The following ERGIC3 variants were observed in gnomAD, a reference collection of about 807,000 sequenced individuals.
ERGIC3 encodes ERGIC and golgi 3.
ERGIC3 carries 33 observed loss-of-function variants against 54.7 expected under a neutral mutation model. The observed-to-expected ratio is 0.60, with a 90% CI of 0.46 to 0.81. The LOEUF (loss-of-function observed/expected upper bound fraction) is 0.81. ERGIC3 is among the 30% of genes least tolerant of loss of function. ERGIC3 has a pLI of 0.00. For missense variants in ERGIC3, 399 were observed against 488.4 expected, an observed-to-expected ratio of 0.82 and a Z score of 1.73; for synonymous variants, 186 against 189.8, an observed-to-expected ratio of 0.98 and a Z score of 0.16.
At chr20:35,556,005 G>C (rs778901460) in intron 8 of ERGIC3, 28 bp from the exon 9 acceptor site, 4 of 1,600,838 alleles carry the variant, frequency 2.5e-6, no homozygotes, top group Non-Finnish European at 3.4e-6. Flanking sequence ...CAGAGCTTTG[G>C]ATGAGCTCTG....
In ERGIC3 at chr20:35,548,047, T is replaced by A. The variant is rs534112911; in HGVS notation, c.462-462T>A. 4.9e-4 allele frequency among the ~76,000 whole-genome samples: 74 copies of A among 152,224 alleles called. 4 individuals are homozygous for A. The South Asian group carries it at 0.015, about 31-fold the overall frequency. On this transcript the variant is annotated intron_variant, in intron 5 of 12. Coordinates refer to ENST00000348547, the MANE Select transcript of ERGIC3 (RefSeq NM_015966.3). ...TTTTTTTTTATTGTGGGAAAATATG[T>A]GACATAAAATTTACCATTTTAACTA... is the stretch of plus-strand genomic sequence containing the variant.
At chr20:35,550,842 A>G (rs903533267) in intron 7 of ERGIC3, among the ~76,000 whole-genome samples, 3 of 152,206 alleles carry the variant, frequency 2.0e-5, no homozygotes, top group African/African-American at 7.2e-5. Flanking sequence ...AGTTGCAGTG[A>G]TCAATCCAGG....
intron 4 of ERGIC3, chr20:35,544,466 TG>T: frequency 3.2e-6 from 1 of 309,612 alleles, no homozygotes; most frequent in Non-Finnish European, 6.5e-6. Context: ...TCATGATGGC[TG>T]GGACATTGCT....
chr20:35,543,687 A>G (rs1172499871), intron 4 of ERGIC3: 3 of 470,934 alleles, frequency 6.4e-6, no homozygotes, highest in Non-Finnish European at 1.3e-5. Context: ...AGTGGAACCA[A>G]CATAATTTGC....
At chr20:35,553,855 A>C (rs11906428) in intron 7 of ERGIC3, among the ~76,000 whole-genome samples, 4,332 of 152,192 alleles carry the variant, frequency 0.028, 194 homozygotes, top group African/African-American at 0.098. Context: ...GGACTGTTAG[A>C]CTTGTGGATC....
At chr20:35,547,533 T>A (rs2064655691) in intron 5 of ERGIC3, 28 bp downstream of exon 5, 1 of 1,602,984 alleles carries the variant, frequency 6.2e-7, no homozygotes, top group African/African-American at 1.3e-5. Context: ...GGGAGCAGGG[T>A]TCCCATCAGG....
At chr20:35,552,737 A>G (rs944041467) in intron 7 of ERGIC3, among the ~76,000 whole-genome samples, 5 of 152,176 alleles carry the variant, frequency 3.3e-5, no homozygotes, top group African/African-American at 1.2e-4. Context: ...TGTTAATGAC[A>G]AAGTTTAGGG....
intron 4 of ERGIC3, 160 bp from the exon 5 acceptor site, chr20:35,547,252 G>A: frequency 1.7e-6 from 1 of 597,540 alleles, no homozygotes; most frequent in East Asian, 2.8e-5. Context: ...GAATTGATAT[G>A]TGTGTAGAAG....
intron 7 of ERGIC3, chr20:35,549,709 TCAC>T (rs2064671337): frequency 6.4e-6 from 1 of 156,186 alleles, no homozygotes; most frequent in African/African-American, 2.4e-5. Context: ...TGATCTTGAC[TCAC>T]TGCAACCTCC....
chr20:35,556,679 G>A, intron 10 of ERGIC3: 1 of 522,804 alleles, frequency 1.9e-6, no homozygotes, highest in Non-Finnish European at 3.5e-6. Flanking sequence ...GTCAGCCTTG[G>A]TGCGTCTTTG....
rs1489790239 is a variant in ERGIC3, at chr20:35,556,253, C to T, written c.861C>T (p.Tyr287=). 2 of 1,614,018 alleles carry T rather than the reference C, an allele frequency of 1.2e-6. No individual in the cohort carries two copies. The highest frequency in any genetic ancestry group is 4.5e-5 in the East Asian group (2 of 44,900). Residue 287 remains tyrosine (Y), a synonymous_variant, in exon 10 of 13, where the codon TAC becomes TAT. Transcript: ENST00000348547. ...TTGTGAAGGTGGTGCCCACTGTGTA[C>T]ATGAAGGTGGACGGAGAGGTGAGTC... ...QYFVKVVPTV[Y]MKVDGEVLRT...
chr20:35,556,537 T>C (rs2064713963), intron 10 of ERGIC3: 1 of 537,586 alleles, frequency 1.9e-6, no homozygotes, highest in Non-Finnish European at 3.3e-6. Flanking sequence ...CTCACTGTTC[T>C]CTGTGGTCTG....
chr20:35,548,810 G>A lies in ERGIC3; in HGVS notation c.630G>A (p.Val210=), dbSNP rs1317224270. 6.2e-7 allele frequency: 1 copy of A among 1,614,232 alleles called. No individual in the cohort carries two copies. Among genetic ancestry groups the A allele is most frequent in the African/African-American group, 1.3e-5 (1 of 75,068 alleles). ...QVYGFLEVNK[V]AGNFHFAPGK... is the part of the protein sequence containing the mutation. The stretch of plus-strand genomic sequence containing the variant: ...ATGAGAGAGAATGTTCCTTACAGGT[G>A]GCCGGAAACTTCCACTTTGCCCCTG... The change falls in exon 7 of 13, where the codon GTG becomes GTA. Residue 210 remains valine (V), a splice_region_variant and synonymous_variant. Coordinates refer to ENST00000348547, the MANE Select transcript of ERGIC3 (RefSeq NM_015966.3).
Position 35,556,961 on chromosome 20 carries a change from C to A in ERGIC3, c.880-12C>A, listed in dbSNP as rs764379837. On this transcript the variant is annotated splice_polypyrimidine_tract_variant and intron_variant, in intron 10 of 12. Coordinates refer to ENST00000348547, the MANE Select transcript of ERGIC3 (RefSeq NM_015966.3). ...AGCCCTAGCCCTGGCCCAGGCTCCC[C>A]TCCCACCCCAGGTACTGAGGACAAA... The A allele has an allele frequency of 3.9e-5, 63 of 1,613,906 alleles. No individual in the cohort carries two copies. Among genetic ancestry groups the A allele is most frequent in the African/African-American group, 5.3e-5 (4 of 74,922 alleles).
At position 35,543,685 on chromosome 20, in the gene ERGIC3, C is replaced by T. The variant is rs999991955; in HGVS notation, c.367+744C>T. On this transcript the variant is annotated intron_variant, in intron 4 of 12. Coordinates refer to ENST00000348547, the MANE Select transcript of ERGIC3 (RefSeq NM_015966.3). ...GATTAATGCAGGACACCAGTGGAAC[C>T]AACATAATTTGCTATAGGACTGGAT... The T allele has an allele frequency of 6.4e-6, 3 of 470,980 alleles. No homozygotes were observed. In the East Asian group the frequency reaches 2.1e-4, roughly 33 times the overall value. 29.2% of individuals were successfully genotyped at this position (470,980 alleles called of 1,614,324 possible).
chr20:35,550,809 A>G (rs898871261), intron 7 of ERGIC3, among the ~76,000 whole-genome samples: 4 of 152,156 alleles, frequency 2.6e-5, no homozygotes, highest in Non-Finnish European at 4.4e-5. Context: ...AAAGGACAGA[A>G]TCAGAGAGGC....
At position 35,557,172 on chromosome 20, in the gene ERGIC3, GCC is replaced by G; in HGVS notation, c.1017-20_1017-19del. On this transcript the variant is annotated intron_variant, in intron 11 of 12. Transcript: ENST00000348547. ...CCTGAGGGAGGAGGATGCCTGCTGA[GCC>G]CACCCTCTCCTTCTACCAGGTCCTT... is the stretch of plus-strand genomic sequence containing the variant. 9 of 1,614,192 alleles carry G rather than the reference GCC, an allele frequency of 5.6e-6. No individual in the cohort carries two copies. Among genetic ancestry groups the G allele is most frequent in the Non-Finnish European group, 7.6e-6 (9 of 1,180,010 alleles).
chr20:35,544,012 TACTA>T (rs1259436274), intron 4 of ERGIC3: 63 of 263,016 alleles, frequency 2.4e-4, no homozygotes, highest in Non-Finnish European at 3.0e-4. Context: ...CTGAAGAATC[TACTA>T]TCTATCTATC....
At position 35,550,442 on chromosome 20, in the gene ERGIC3, C is replaced by T. The variant is rs539305882; in HGVS notation, c.685+1577C>T. Among the ~76,000 whole-genome samples, 7 of 152,080 alleles carry T rather than the reference C, an allele frequency of 4.6e-5. No homozygotes were observed. The East Asian group carries it at 1.4e-3, about 30-fold the overall frequency. The stretch of plus-strand genomic sequence containing the variant: ...ACCAGCCTGGCCAACATGGTGAAAC[C>T]CTGTCTCTACCAAAAATACAAAAAT... On this transcript the variant is annotated intron_variant, in intron 7 of 12. Coordinates refer to ENST00000348547, the MANE Select transcript of ERGIC3 (RefSeq NM_015966.3).
Sources: gnomAD v4.1 joint callset for allele counts (sites outside exome capture counted in the v4.1 genomes callset) on GRCh38, gnomAD v4.1.1 for gene constraint, MANE v1.5 for transcripts, NCBI Gene and HGNC (gene_info 2026-07-23, HGNC 2026-07-21) for gene names.